DSCC1: variants seen among roughly 807,000 people sequenced by gnomAD.
The protein encoded by DSCC1 is DNA replication and sister chromatid cohesion 1, also known as sister chromatid cohesion protein DCC1.
DSCC1 carries 32 observed loss-of-function variants against 48.2 expected under a neutral mutation model. That is an observed-to-expected ratio of 0.66 (90% CI 0.50 to 0.89). DSCC1 has a LOEUF of 0.89. DSCC1 is among the 40% of genes least tolerant of loss of function. The pLI is 0.00. For missense variants in DSCC1, 421 were observed against 471.7 expected (o/e 0.89, Z 1.00); for synonymous variants, 150 against 171.5 (o/e 0.87, Z 0.98).
chr8:119,855,754 G>C lies in DSCC1; in HGVS notation c.42C>G (p.Ile14Met), dbSNP rs116553136. ...GCAGCTCGGCCGCATTCAGCTTGGC[G>C]ATCTGCAGCGTCGCATCCACCTCGT... ...TRDEVDATLQ[I>M]AKLNAAELLP... Residue 14 changes from isoleucine (I) to methionine (M), a missense_variant, in exon 1 of 9, where the codon ATC becomes ATG. By Grantham distance (10) the Ile-to-Met change is conservative (BLOSUM62 1). Around this residue, in one of 3 missense-constraint regions of DSCC1, gnomAD observed 174 missense variants for 184.5 expected, o/e 0.94. Coordinates refer to ENST00000313655, the MANE Select transcript of DSCC1 (RefSeq NM_024094.3). The C allele has an allele frequency of 1.4e-3, 2,233 of 1,575,034 alleles. 15 individuals are homozygous for C. The African/African-American group carries it at 0.019, about 13-fold the overall frequency.
Position 119,842,786 on chromosome 8 carries a change from A to G in DSCC1, c.759T>C (p.Tyr253=), listed in dbSNP as rs1417942045. The change falls in exon 6 of 9, where the codon TAT becomes TAC. Residue 253 remains tyrosine, a synonymous_variant. Coordinates refer to ENST00000313655, the MANE Select transcript of DSCC1 (RefSeq NM_024094.3). ...EHCLKCYGKK[Y]VDEGEVYFEL... ...CTTTCCAAATCTTACCTTCATCTAC[A>G]TATTTCTTCCCATAACATTTAAGAC... 3 of 1,606,162 alleles carry G rather than the reference A, an allele frequency of 1.9e-6. No individual in the cohort carries two copies. The highest frequency in any genetic ancestry group is 1.1e-5 in the South Asian group (1 of 89,640).
chr8:119,846,247 G>A (rs968411105), intron 4 of DSCC1, among the ~76,000 whole-genome samples: 1 of 151,678 alleles, frequency 6.6e-6, no homozygotes, highest in Non-Finnish European at 1.5e-5. Flanking sequence ...CTGAGTAGCT[G>A]GGATTACAGG....
intron 6 of DSCC1, 134 bp from the exon 7 acceptor site, chr8:119,842,082 G>GAT (rs558003642): frequency 1.1e-6 from 1 of 882,920 alleles, no homozygotes. Context: ...CCCATAGTTC[G>GAT]TTTTTTTTTG....
At chr8:119,837,898 A>C (rs115335175) in intron 8 of DSCC1, among the ~76,000 whole-genome samples, 1,683 of 152,292 alleles carry the variant, frequency 0.011, 28 homozygotes, top group African/African-American at 0.038. Context: ...GTTCTACTGC[A>C]ATCTGGCCTC....
chr8:119,836,000 C>G (rs1231846955), intron 8 of DSCC1, among the ~76,000 whole-genome samples: 1 of 152,120 alleles, frequency 6.6e-6, no homozygotes. Context: ...TGGAAAAGTA[C>G]AATGTGATCT....
intron 3 of DSCC1, 115 bp downstream of exon 3, chr8:119,850,265 AAC>A (rs1826925792): frequency 1.9e-6 from 2 of 1,066,308 alleles, no homozygotes; most frequent in Non-Finnish European, 1.3e-6. Context: ...TAACTTTTTT[AAC>A]ACAAGCATTT....
At position 119,843,059 on chromosome 8, in the gene DSCC1, TTTA is replaced by T. The variant is rs1456125476; in HGVS notation, c.717-234_717-232del. On this transcript the variant is annotated intron_variant, in intron 5 of 8. Transcript: ENST00000313655. ...TTAACATCAATTATGTAAGCATAAA[TTTA>T]TTATTATAAAATAGCTCAAACATAT... 5.9e-5 allele frequency among the ~76,000 whole-genome samples: 9 copies of T among 152,226 alleles called. No individual in the cohort carries two copies. In the South Asian group the frequency reaches 1.4e-3, roughly 25 times the overall value.
rs773141186 is a variant in DSCC1 at position 119,842,758 on chromosome 8, A to C, written c.769+18T>G. On this transcript the variant is annotated intron_variant, in intron 6 of 8. Coordinates refer to ENST00000313655, the MANE Select transcript of DSCC1 (RefSeq NM_024094.3). ...TTTAACATATAAGAGTTAAATGAGA[A>C]TACTTTCCAAATCTTACCTTCATCT... 6 of 1,600,244 alleles carry C rather than the reference A, an allele frequency of 3.7e-6. No homozygotes were observed. The highest frequency in any genetic ancestry group is 5.1e-6 in the Non-Finnish European group (6 of 1,168,998).
At chr8:119,840,603 C>T (rs1424335358) in intron 7 of DSCC1, among the ~76,000 whole-genome samples, 3 of 152,152 alleles carry the variant, frequency 2.0e-5, no homozygotes, top group Non-Finnish European at 4.4e-5. Flanking sequence ...ATCCTGAGTG[C>T]AGTAGGTGAC....
At chr8:119,845,054 TA>T (rs1471117803) in intron 4 of DSCC1, among the ~76,000 whole-genome samples, 540 of 2,582 alleles carry the variant, frequency 0.21, 7 homozygotes, top group African/African-American at 0.29. Flanking sequence ...CATGCCATTT[TA>T]TTTATTTATT....
At chr8:119,843,838 G>T in intron 4 of DSCC1, 91 bp from the exon 5 acceptor site, 1 of 1,345,224 alleles carries the variant, frequency 7.4e-7, no homozygotes, top group East Asian at 2.3e-5. Context: ...GTTCAGTGGC[G>T]TGATCTCAGC....
intron 5 of DSCC1, 131 bp downstream of exon 5, chr8:119,843,478 T>G: frequency 7.7e-7 from 1 of 1,307,042 alleles, no homozygotes; most frequent in Non-Finnish European, 1.0e-6. Context: ...TCTTCGGTTG[T>G]AATTGTAAAC....
chr8:119,837,182 AT>A (rs1826697829), intron 8 of DSCC1, among the ~76,000 whole-genome samples: 1 of 152,176 alleles, frequency 6.6e-6, no homozygotes, highest in South Asian at 2.1e-4. Context: ...ATATTACAGA[AT>A]TTTGTATGCT....
In DSCC1 at chr8:119,834,835, C is replaced by T; in HGVS notation, c.*58G>A. On this transcript the variant is annotated 3_prime_UTR_variant, in exon 9 of 9. Coordinates refer to ENST00000313655, the MANE Select transcript of DSCC1 (RefSeq NM_024094.3). ...AGAAATAAAAGTACAAGTTATTTTT[C>T]TTCTATCCAGCAACTTTATAAAGCA... 1.7e-6 allele frequency: 2 copies of T among 1,162,366 alleles called. No homozygotes were observed. Among genetic ancestry groups the T allele is most frequent in the Non-Finnish European group, 1.3e-6 (1 of 785,494 alleles). The allele number at this position is 1,162,366 out of a possible 1,614,324, so 72.0% of individuals were successfully genotyped here.
chr8:119,854,244 TAAAGAA>T (rs1341618587), intron 1 of DSCC1, among the ~76,000 whole-genome samples: 1 of 151,018 alleles, frequency 6.6e-6, no homozygotes, highest in Non-Finnish European at 1.5e-5. Context: ...AAAAAAAAGA[TAAAGAA>T]AAAAGAAGGA....
rs536650792 is a variant in DSCC1, at chr8:119,854,104, C to T, written c.183-889G>A. Among the ~76,000 whole-genome samples the T allele has an allele frequency of 2.6e-5, 4 of 152,240 alleles. No individual in the cohort carries two copies. In the South Asian group the frequency reaches 8.3e-4, roughly 32 times the overall value. ...TGATGCACACCTTAAGTCTCAGCTA[C>T]TCAGGAGGCTGGTGGGAGGATCGCC... On this transcript the variant is annotated intron_variant, in intron 1 of 8. Coordinates refer to ENST00000313655, the MANE Select transcript of DSCC1 (RefSeq NM_024094.3).
chr8:119,837,671 T>C (rs1021733819), intron 8 of DSCC1, among the ~76,000 whole-genome samples: 1 of 152,140 alleles, frequency 6.6e-6, no homozygotes, highest in African/African-American at 2.4e-5. Context: ...TCTAATCTTT[T>C]TAGCTTTTTG....
chr8:119,841,948 C>T lies in DSCC1; in HGVS notation c.770G>A (p.Gly257Asp). 1 of 1,612,916 alleles carries T rather than the reference C, an allele frequency of 6.2e-7. No individual in the cohort carries two copies. Among genetic ancestry groups the T allele is most frequent in the Non-Finnish European group, 8.5e-7 (1 of 1,179,166 alleles). ...KCYGKKYVDE[G>D]EVYFELDADK... ...AGCATCCAACTCAAAATAAACTTCGCCTAAGGAAAAGTTATCAGATATTTT... is the reference window on the plus strand; with the variant it reads ...AGCATCCAACTCAAAATAAACTTCGTCTAAGGAAAAGTTATCAGATATTTT... The change falls in exon 7 of 9, where the codon GGC (glycine) becomes GAC (aspartate). Residue 257 changes from glycine to aspartate, a missense_variant and splice_region_variant. By Grantham distance (94) the Gly-to-Asp change is moderately conservative. Around this residue, in one of 3 missense-constraint regions of DSCC1, gnomAD observed 238 missense variants for 259.0 expected, o/e 0.92. Transcript: ENST00000313655.
rs754875375 is a variant in DSCC1, at chr8:119,834,975, A to G, written c.1100T>C (p.Ile367Thr). 2.1e-5 allele frequency: 34 copies of G among 1,606,752 alleles called. No individual in the cohort carries two copies. The highest frequency in any genetic ancestry group is 2.6e-5 in the Non-Finnish European group (31 of 1,176,854). The change falls in exon 9 of 9, where the codon ATA becomes ACA. Residue 367 changes from isoleucine to threonine, a missense_variant. Physicochemically the swap from Ile to Thr is moderately conservative, Grantham distance 89. Coordinates refer to ENST00000313655, the MANE Select transcript of DSCC1 (RefSeq NM_024094.3). ...IQDLCGEKQT[I>T]GALLTKYSHS... ...AGAATATTTAGTGAGTAATGCACCT[A>G]TGGTTTGCTTCTCTCCACACAAATC...
Sources: gnomAD v4.1 joint callset for allele counts (sites outside exome capture counted in the v4.1 genomes callset) on GRCh38, gnomAD v4.1.1 for gene constraint, gnomAD v4.1.1 regional missense constraint, MANE v1.5 for transcripts, NCBI Gene and HGNC (gene_info 2026-07-23, HGNC 2026-07-21) for gene names.